Variants in SLC8A1 observed in about 807,000 individuals in gnomAD.
The protein encoded by SLC8A1 is solute carrier family 8 member A1.
SLC8A1 carries 18 observed loss-of-function variants against 68.3 expected under a neutral mutation model. The ratio of observed to expected loss-of-function variants is 0.26; its 90% CI spans 0.18 to 0.39. The LOEUF is 0.39. SLC8A1 is among the 10% of genes least tolerant of loss of function. SLC8A1 has a pLI of 1.00. For synonymous variants in SLC8A1, 475 were observed against 415.5 expected (o/e 1.14, Z -1.74); for missense variants, 985 against 1,156.7 (o/e 0.85, Z 2.15).
At chr2:40,442,405 A>G (rs1700672803) in intron 1 of SLC8A1, among the ~76,000 whole-genome samples, 1 of 150,852 alleles carries the variant, frequency 6.6e-6, no homozygotes, top group Non-Finnish European at 1.5e-5. Flanking sequence ...TACAAAAAAA[A>G]AAAAAAAGAA....
upstream of SLC8A1, among the ~76,000 whole-genome samples, chr2:40,452,896 G>C (rs946415286): frequency 9.9e-5 from 15 of 152,096 alleles, no homozygotes; most frequent in African/African-American, 3.6e-4. Flanking sequence ...TTAAACTACA[G>C]TGAGGAGTAA....
intron 2 of SLC8A1, among the ~76,000 whole-genome samples, chr2:40,345,818 G>A (rs532064340): frequency 2.0e-5 from 3 of 151,946 alleles, no homozygotes; most frequent in Admixed American, 6.6e-5. Flanking sequence ...CACAGGGAGG[G>A]GAACATCACA....
intron 2 of SLC8A1, among the ~76,000 whole-genome samples, chr2:40,198,935 A>AG (rs1406776879): frequency 2.8e-5 from 3 of 108,388 alleles, no homozygotes; most frequent in Non-Finnish European, 7.1e-5. Context: ...AGCTAATTTA[A>AG]GGAAAAAAAA....
chr2:40,100,592 A>T (rs1434761334), exon 8 of SLC8A1: 1 of 152,156 alleles, frequency 6.6e-6, no homozygotes, highest in Non-Finnish European at 1.5e-5. Context: ...TGATTAAAAA[A>T]TAGGGTGTGC....
intron 2 of SLC8A1, among the ~76,000 whole-genome samples, chr2:40,324,976 C>T (rs1559247133): frequency 6.6e-6 from 1 of 151,988 alleles, no homozygotes; most frequent in Admixed American, 6.6e-5. Flanking sequence ...CTCCATGTGC[C>T]CTTCTGTATC....
intron 2 of SLC8A1, among the ~76,000 whole-genome samples, chr2:40,372,271 G>A (rs1678345701): frequency 6.6e-6 from 1 of 152,042 alleles, no homozygotes; most frequent in Non-Finnish European, 1.5e-5. Flanking sequence ...AGAAGAGGGG[G>A]AGAAAAAATA....
intron 2 of SLC8A1, among the ~76,000 whole-genome samples, chr2:40,403,817 T>C (rs968218796): frequency 2.6e-5 from 4 of 152,332 alleles, no homozygotes; most frequent in South Asian, 2.1e-4. Flanking sequence ...ATAATAGCAT[T>C]GTCTCCGAAG....
At position 40,302,476 on chromosome 2, in the gene SLC8A1, T is replaced by C. The variant is rs552007199; in HGVS notation, c.1809-124621A>G. On this transcript the variant is annotated intron_variant, in intron 2 of 7. Coordinates refer to ENST00000406785, the Ensembl canonical transcript of SLC8A1. ...GTGTGTGTGTGTGTGTATACACACA[T>C]ATATATGATACATATATATCATATA... Among the ~76,000 whole-genome samples, 804 of 150,634 alleles carry C rather than the reference T, an allele frequency of 5.3e-3. 5 individuals carry two copies. The highest frequency in any genetic ancestry group is 0.014 in the Middle Eastern group (4 of 284).
chr2:40,249,096 C>A (rs1473985879), intron 2 of SLC8A1, among the ~76,000 whole-genome samples: 2 of 152,166 alleles, frequency 1.3e-5, no homozygotes, highest in African/African-American at 4.8e-5. Context: ...AGGAAACAAA[C>A]ACAATGACGT....
chr2:40,447,248 G>A lies in SLC8A1; in HGVS notation c.-25+4656C>T, dbSNP rs569451084. Among the ~76,000 whole-genome samples the A allele has an allele frequency of 4.6e-5, 7 of 152,210 alleles. No homozygotes were observed. In the South Asian group the frequency reaches 8.3e-4, roughly 18 times the overall value. On this transcript the variant is annotated intron_variant, in intron 1 of 7. Transcript: ENST00000406785. ...CAGTCGAATCTATTCAAGATTTTAA[G>A]GATATAATTTCACTCTAGGGAAAAT... is the stretch of plus-strand genomic sequence containing the variant.
At chr2:40,147,648 GA>G (rs1319559326) in intron 6 of SLC8A1, among the ~76,000 whole-genome samples, 1 of 152,164 alleles carries the variant, frequency 6.6e-6, no homozygotes, top group Non-Finnish European at 1.5e-5. Context: ...GCTGAGTCGT[GA>G]AGCAACTGTT....
chr2:40,413,331 A>G (rs2149708731), intron 2 of SLC8A1, among the ~76,000 whole-genome samples: 1 of 152,324 alleles, frequency 6.6e-6, no homozygotes, highest in Admixed American at 6.5e-5. Flanking sequence ...TATTCACAAT[A>G]GCAAAGACTT....
intron 2 of SLC8A1, among the ~76,000 whole-genome samples, chr2:40,271,489 C>T (rs1290463860): frequency 6.6e-6 from 1 of 152,210 alleles, no homozygotes. Context: ...CTTTCTTTCA[C>T]TCTCTACCCC....
At chr2:40,463,839 TACACACACACACACACACACAC>T (rs761954909) in intron 1 of SLC8A1, among the ~76,000 whole-genome samples, 3 of 123,402 alleles carry the variant, frequency 2.4e-5, no homozygotes, top group Non-Finnish European at 3.4e-5. Context: ...CACACACACA[TACACACACACACACACACACAC>T]ACACACACAC....
chr2:40,329,060 T>TTA lies in SLC8A1; in HGVS notation c.1808+99412_1808+99413insTA, dbSNP rs1205744450. On this transcript the variant is annotated intron_variant, in intron 2 of 7. Coordinates refer to ENST00000406785, the Ensembl canonical transcript of SLC8A1. ...ATTTTCATCTCCTCACACTACAACC[T>TTA]CACACACACACACACACACACACAC... 9.3e-3 allele frequency among the ~76,000 whole-genome samples: 1,309 copies of TTA among 141,228 alleles called. 21 individuals are homozygous for TTA. Among genetic ancestry groups the TTA allele is most frequent in the African/African-American group, 0.032 (1,245 of 38,398 alleles). The allele number at this position is 141,228 out of a possible 152,430, so 92.7% of individuals were successfully genotyped here. A position where few individuals can be genotyped will look rare whatever the true frequency, so the allele number is the denominator to read the frequency against.
At chr2:40,464,285 T>C (rs1019523444) in intron 1 of SLC8A1, among the ~76,000 whole-genome samples, 1 of 152,208 alleles carries the variant, frequency 6.6e-6, no homozygotes, top group South Asian at 2.1e-4. Context: ...TGGTAGCCAA[T>C]GTAAACAAAA....
At chr2:40,311,776 G>C (rs2073729894) in intron 2 of SLC8A1, among the ~76,000 whole-genome samples, 1 of 151,796 alleles carries the variant, frequency 6.6e-6, no homozygotes, top group African/African-American at 2.4e-5. Flanking sequence ...ATTAAAAATA[G>C]ACTTTGTTTT....
chr2:40,313,975 TGTC>T (rs1283077938), intron 2 of SLC8A1, among the ~76,000 whole-genome samples: 2 of 152,122 alleles, frequency 1.3e-5, no homozygotes, highest in African/African-American at 4.8e-5. Context: ...CAGTCTAGCC[TGTC>T]TTTTCCTTCA....
At chr2:40,273,400 C>T (rs978700557) in intron 2 of SLC8A1, among the ~76,000 whole-genome samples, 2 of 152,172 alleles carry the variant, frequency 1.3e-5, no homozygotes, top group Admixed American at 1.3e-4. Flanking sequence ...GCCCCAAATA[C>T]TCTTAATAAA....
Sources: allele counts gnomAD v4.1 joint callset (sites outside exome capture counted in the v4.1 genomes callset), GRCh38; gene constraint gnomAD v4.1.1; transcripts MANE v1.5; gene names NCBI Gene and HGNC (gene_info 2026-07-23, HGNC 2026-07-21).